Variants in PRELID2 observed in about 807,000 individuals in gnomAD.
PRELID2 encodes the protein PRELI domain containing 2, also known as PRELI domain-containing protein 2.
Under a neutral mutation model 28.4 loss-of-function variants are expected in PRELID2, and 25 were observed. That is an observed-to-expected ratio of 0.88 (90% CI 0.64 to 1.23). The LOEUF is 1.23. Among genes scored for constraint, PRELID2 ranks in the 50% most tolerant of loss-of-function variants. PRELID2 has a pLI of 0.00. For synonymous variants in PRELID2, 76 were observed against 71.6 expected (o/e 1.06, Z -0.31); for missense variants, 201 against 214.4 (o/e 0.94, Z 0.39).
At chr5:145,258,746 A>C in the PRELID2 span, among the ~76,000 whole-genome samples, 2 of 152,202 alleles carry the variant, frequency 1.3e-5, no homozygotes, top group Non-Finnish European at 2.9e-5. Flanking sequence ...TGTGTGGTAG[A>C]AAAGAAAAGC....
At chr5:145,384,405 T>C in the PRELID2 span, among the ~76,000 whole-genome samples, 1 of 152,154 alleles carries the variant, frequency 6.6e-6, no homozygotes, top group African/African-American at 2.4e-5. Flanking sequence ...ATTCATACAA[T>C]GGAATGTTTT....
the PRELID2 span, among the ~76,000 whole-genome samples, chr5:145,287,529 A>T: frequency 6.6e-6 from 1 of 152,174 alleles, no homozygotes; most frequent in African/African-American, 2.4e-5. Flanking sequence ...CTTATTTCTT[A>T]ATTTTCCATT....
chr5:145,550,956 T>C (rs1381189035), intron 1 of PRELID2, among the ~76,000 whole-genome samples: 1 of 152,236 alleles, frequency 6.6e-6, no homozygotes, highest in Non-Finnish European at 1.5e-5. Flanking sequence ...AATACCATTG[T>C]CGTGACTACA....
intron 1 of PRELID2, among the ~76,000 whole-genome samples, chr5:145,475,978 C>T (rs1752096769): frequency 6.6e-6 from 1 of 152,150 alleles, no homozygotes. Flanking sequence ...CAAAGCCAGT[C>T]CATGTTCTCA....
chr5:145,397,577 A>T, the PRELID2 span, among the ~76,000 whole-genome samples: 5 of 152,270 alleles, frequency 3.3e-5, no homozygotes, highest in East Asian at 3.9e-4. Context: ...GCTTCTGCAA[A>T]CTCCTCTGCA....
rs570131058 is a variant in PRELID2 at position 145,591,037 on chromosome 5, T to A, written n.71-117722A>T. Among the ~76,000 whole-genome samples the A allele has an allele frequency of 2.0e-5, 3 of 152,330 alleles. No individual in the cohort carries two copies. The East Asian group carries it at 5.8e-4, about 29-fold the overall frequency. On this transcript the variant is annotated intron_variant and non_coding_transcript_variant, in intron 1 of 2. Coordinates refer to the PRELID2 transcript ENST00000510259. ...TTGGCTAGGCATGGTGGCTCATGCC[T>A]GTAATCCCAGCACTTCAGGAGGCTG...
chr5:145,682,134 T>C (rs1239923783), intron 1 of PRELID2, among the ~76,000 whole-genome samples: 2 of 151,890 alleles, frequency 1.3e-5, no homozygotes. Context: ...TGTAGAATAC[T>C]ATTCATTCTG....
chr5:145,684,839 G>T (rs771396144), intron 1 of PRELID2, among the ~76,000 whole-genome samples: 5 of 152,130 alleles, frequency 3.3e-5, no homozygotes, highest in African/African-American at 1.2e-4. Context: ...GCACCACTAA[G>T]GCAATAACAG....
intron 1 of PRELID2, among the ~76,000 whole-genome samples, chr5:145,474,374 G>A (rs1157707832): frequency 6.6e-6 from 1 of 152,138 alleles, no homozygotes; most frequent in African/African-American, 2.4e-5. Flanking sequence ...ACTCTCCCAG[G>A]CACTGATCCC....
the PRELID2 span, among the ~76,000 whole-genome samples, chr5:145,271,839 A>C: frequency 1.3e-5 from 2 of 152,126 alleles, no homozygotes; most frequent in East Asian, 1.9e-4. Flanking sequence ...TCCCATAACT[A>C]TCTCTCTGAG....
chr5:145,441,173 T>C, the PRELID2 span: 1 of 152,084 alleles, frequency 6.6e-6, no homozygotes, highest in Non-Finnish European at 1.5e-5. Flanking sequence ...GTTTAAATGA[T>C]GTGAAGCTGA....
chr5:145,786,579 A>C (rs1752007281), intron 5 of PRELID2, among the ~76,000 whole-genome samples: 1 of 152,188 alleles, frequency 6.6e-6, no homozygotes, highest in Non-Finnish European at 1.5e-5. Flanking sequence ...CCTTGATTAC[A>C]TCCCTGTGAA....
intron 5 of PRELID2, among the ~76,000 whole-genome samples, chr5:145,790,184 A>G (rs1285944109): frequency 6.6e-6 from 1 of 152,172 alleles, no homozygotes; most frequent in Non-Finnish European, 1.5e-5. Flanking sequence ...TGTCAAAGAG[A>G]CAGCTGAACT....
the PRELID2 span, among the ~76,000 whole-genome samples, chr5:145,325,038 G>A: frequency 6.6e-6 from 1 of 152,124 alleles, no homozygotes; most frequent in Non-Finnish European, 1.5e-5. Context: ...AATAATTTCT[G>A]TAATCAACAA....
At chr5:145,326,555 T>C in the PRELID2 span, among the ~76,000 whole-genome samples, 1 of 152,190 alleles carries the variant, frequency 6.6e-6, no homozygotes, top group Non-Finnish European at 1.5e-5. Flanking sequence ...TTTATAGTAA[T>C]AAAACAATGT....
At chr5:145,514,736 A>G (rs796510616) in intron 1 of PRELID2, among the ~76,000 whole-genome samples, 11 of 152,276 alleles carry the variant, frequency 7.2e-5, no homozygotes, top group Middle Eastern at 3.4e-3. Context: ...AAAATTTACC[A>G]TATAATTGGA....
At chr5:145,753,855 GCTT>G (rs1482330953), downstream of PRELID2, among the ~76,000 whole-genome samples, 1 of 152,168 alleles carries the variant, frequency 6.6e-6, no homozygotes, top group African/African-American at 2.4e-5. Flanking sequence ...TGTAAGTTAA[GCTT>G]CTTTCAGTTA....
intron 1 of PRELID2, among the ~76,000 whole-genome samples, chr5:145,533,807 A>T (rs917526940): frequency 3.3e-5 from 5 of 152,074 alleles, no homozygotes; most frequent in African/African-American, 1.2e-4. Context: ...AAATATTTGT[A>T]TATTGGACAG....
the PRELID2 span, among the ~76,000 whole-genome samples, chr5:145,298,612 C>T: frequency 1.6e-4 from 24 of 152,150 alleles, no homozygotes; most frequent in South Asian, 4.6e-3. Context: ...TGTCTCTTGG[C>T]CCTTCCATTT....
Sources: gnomAD v4.1 joint callset for allele counts (sites outside exome capture counted in the v4.1 genomes callset) on GRCh38, gnomAD v4.1.1 for gene constraint, MANE v1.5 for transcripts, NCBI Gene and HGNC (gene_info 2026-07-23, HGNC 2026-07-21) for gene names.